The following USP42 variants were observed in gnomAD, a reference collection of about 807,000 sequenced individuals.
USP42 encodes the protein ubiquitin specific peptidase 42.
USP42 carries 23 observed loss-of-function variants against 113.0 expected under a neutral mutation model. The observed-to-expected ratio is 0.20, with a 90% CI of 0.15 to 0.29. The LOEUF is 0.29. Ranked by LOEUF, USP42 falls within the 10% of genes least tolerant of loss-of-function variation. The probability of loss-of-function intolerance (pLI) is 1.00; values close to 1 mark genes in which losing one functional copy is unlikely to be tolerated. For synonymous variants in USP42, 933 were observed against 699.0 expected, an observed-to-expected ratio of 1.33 and a Z score of -5.28; for missense variants, 2,174 against 1,779.8, an observed-to-expected ratio of 1.22 and a Z score of -3.99.
At chr7:6,083,241 T>TATTTATTTA in the USP42 span, among the ~76,000 whole-genome samples, 1 of 137,746 alleles carries the variant, frequency 7.3e-6, no homozygotes, top group African/African-American at 2.8e-5. Flanking sequence ...TTTATTTATT[T>TATTTATTTA]ATTTATTTAT....
intron 2 of USP42, among the ~76,000 whole-genome samples, chr7:6,112,590 G>T (rs1374880282): frequency 1.3e-5 from 2 of 152,156 alleles, no homozygotes; most frequent in Non-Finnish European, 2.9e-5. Flanking sequence ...CAAGACTTTT[G>T]CATTTGAGGA....
At chr7:6,153,141 T>C (rs1194903205) in intron 14 of USP42, 1 of 162,366 alleles carries the variant, frequency 6.2e-6, no homozygotes, top group Non-Finnish European at 1.3e-5. Context: ...GGCATGGTGG[T>C]GGGCACCTGT....
In USP42 at chr7:6,144,513, T is replaced by C. The variant is rs538052147; in HGVS notation, c.990+317T>C. ...CATTTTCTTCCCACTTTCTGAAGATTGAAAGTGGTCAAAAACTAAATAGCA... is the reference window on the plus strand; with the variant it reads ...CATTTTCTTCCCACTTTCTGAAGATCGAAAGTGGTCAAAAACTAAATAGCA... On this transcript the variant is annotated intron_variant, in intron 9 of 17. Transcript: ENST00000306177. 3.9e-5 allele frequency among the ~76,000 whole-genome samples: 6 copies of C among 152,294 alleles called. No individual in the cohort carries two copies. In the South Asian group the frequency reaches 6.2e-4, roughly 16 times the overall value.
intron 7 of USP42, among the ~76,000 whole-genome samples, chr7:6,141,567 T>A (rs76127779): frequency 0.018 from 2,687 of 151,688 alleles, 51 homozygotes; most frequent in Non-Finnish European, 0.023. Flanking sequence ...TATTATTATT[T>A]TTTTTTTTTG....
intron 3 of USP42, among the ~76,000 whole-genome samples, chr7:6,120,940 T>G (rs1431569102): frequency 6.6e-6 from 1 of 152,222 alleles, no homozygotes; most frequent in Non-Finnish European, 1.5e-5. Context: ...AAATTTCAAC[T>G]TACTGATTGT....
upstream of USP42, among the ~76,000 whole-genome samples, chr7:6,104,345 A>AG (rs368286373): frequency 0.012 from 1,747 of 148,998 alleles, 46 homozygotes; most frequent in African/African-American, 0.043. Flanking sequence ...GCCTCCCAGA[A>AG]TGCTGGGATT....
intron 3 of USP42, among the ~76,000 whole-genome samples, chr7:6,117,669 G>A (rs1461473303): frequency 2.6e-5 from 4 of 152,222 alleles, no homozygotes; most frequent in African/African-American, 9.7e-5. Flanking sequence ...ACTGGTGAAT[G>A]AATCTTCCAT....
chr7:6,092,060 C>CTTCTTCTTCTTCTTCTTCTTCTTCT, the USP42 span, among the ~76,000 whole-genome samples: 1 of 71,578 alleles, frequency 1.4e-5, no homozygotes, highest in African/African-American at 6.3e-5. Context: ...CTTCTTTCTT[C>CTTCTTCTTCTTCTTCTTCTTCTTCT]TTCTTCTTCT....
At chr7:6,135,044 C>A (rs1293662306) in intron 3 of USP42, among the ~76,000 whole-genome samples, 1 of 152,204 alleles carries the variant, frequency 6.6e-6, no homozygotes, top group Non-Finnish European at 1.5e-5. Flanking sequence ...CCCACCTCAG[C>A]TTCCCAGAGT....
intron 14 of USP42, among the ~76,000 whole-genome samples, chr7:6,153,420 C>T (rs1187766694): frequency 2.0e-5 from 3 of 151,816 alleles, no homozygotes; most frequent in African/African-American, 7.3e-5. Flanking sequence ...GATGATATAA[C>T]ATTTTATTTT....
chr7:6,153,730 C>CGTGT (rs746348025), intron 14 of USP42, 26 bp from the exon 15 acceptor site: 19 of 1,432,008 alleles, frequency 1.3e-5, no homozygotes, highest in Non-Finnish European at 1.6e-5. Flanking sequence ...CGCTAACGGG[C>CGTGT]GTGTTTGTTT....
Position 6,154,906 on chromosome 7 carries a change from C to A in USP42, c.3352C>A (p.Arg1118Ser). 2 of 1,545,706 alleles carry A rather than the reference C, an allele frequency of 1.3e-6. No homozygotes were observed. Among genetic ancestry groups the A allele is most frequent in the South Asian group, 2.4e-5 (2 of 83,874 alleles). Residue 1118 changes from arginine to serine, a missense_variant, in exon 15 of 18, where the codon CGC becomes AGC. Coordinates refer to ENST00000306177, the MANE Select transcript of USP42 (RefSeq NM_032172.3). ...GGAGCGGCACCGCCCCAGCAGCCCC[C>A]GCGCAGGCGCGCCCCACGCCCTCGC... is the stretch of plus-strand genomic sequence containing the variant. Reference protein sequence around the residue: ...ERERHRPSSPRAGAPHALAPH... With the variant: ...ERERHRPSSPSAGAPHALAPH...
At chr7:6,125,096 G>A (rs113505882) in intron 3 of USP42, among the ~76,000 whole-genome samples, 13 of 150,022 alleles carry the variant, frequency 8.7e-5, no homozygotes, top group Admixed American at 5.4e-4. Flanking sequence ...CAGGAGAATC[G>A]CTTGATCCCG....
the USP42 span, among the ~76,000 whole-genome samples, chr7:6,082,949 ATATT>A: frequency 1.4e-5 from 2 of 145,782 alleles, no homozygotes; most frequent in Admixed American, 1.4e-4. Flanking sequence ...ATATATATAT[ATATT>A]TATTTATTTT....
intron 3 of USP42, among the ~76,000 whole-genome samples, chr7:6,134,943 C>T (rs1781049398): frequency 6.6e-6 from 1 of 152,050 alleles, no homozygotes; most frequent in South Asian, 2.1e-4. Context: ...TGTGCCACCA[C>T]ACTGGGCTAA....
intron 15 of USP42, among the ~76,000 whole-genome samples, chr7:6,155,516 C>CA (rs1487454521): frequency 6.6e-6 from 1 of 152,152 alleles, no homozygotes; most frequent in Non-Finnish European, 1.5e-5. Flanking sequence ...CATCAATGAA[C>CA]AATTGGGAGT....
At chr7:6,143,141 C>A in intron 8 of USP42, 127 bp downstream of exon 8, 1 of 845,214 alleles carries the variant, frequency 1.2e-6, no homozygotes, top group Non-Finnish European at 1.9e-6. Context: ...GAAGACACTG[C>A]GTCCCTGTCG....
chr7:6,118,052 G>A (rs1780010269), intron 3 of USP42, among the ~76,000 whole-genome samples: 1 of 151,954 alleles, frequency 6.6e-6, no homozygotes, highest in Non-Finnish European at 1.5e-5. Flanking sequence ...TTTGTTTTGG[G>A]AAATTTCATT....
At chr7:6,155,782 T>G (rs917302915) in intron 15 of USP42, among the ~76,000 whole-genome samples, 2 of 152,152 alleles carry the variant, frequency 1.3e-5, no homozygotes, top group Non-Finnish European at 2.9e-5. Flanking sequence ...GACAGGGTGT[T>G]GCTCTGTCAC....
Sources: gnomAD v4.1 joint callset for allele counts (sites outside exome capture counted in the v4.1 genomes callset) on GRCh38, gnomAD v4.1.1 for gene constraint, MANE v1.5 for transcripts, NCBI Gene and HGNC (gene_info 2026-07-23, HGNC 2026-07-21) for gene names.